Variants in MACROD2 observed in about 807,000 individuals in gnomAD.
MACROD2 encodes the protein ADP-ribose glycohydrolase MACROD2.
In MACROD2, 36 loss-of-function variants were observed where a neutral mutation model predicts 70.4. That is an observed-to-expected ratio of 0.51 (90% CI 0.39 to 0.68). The LOEUF is 0.68. Among genes scored for constraint, MACROD2 ranks in the 30% least tolerant of loss-of-function variants. The pLI is 0.00. For synonymous variants in MACROD2, 172 were observed against 178.8 expected, an observed-to-expected ratio of 0.96 and a Z score of 0.30; for missense variants, 496 against 538.4, an observed-to-expected ratio of 0.92 and a Z score of 0.78.
chr20:14,282,918 A>T (rs542703384), intron 3 of MACROD2, among the ~76,000 whole-genome samples: 1 of 152,296 alleles, frequency 6.6e-6, no homozygotes, highest in South Asian at 2.1e-4. Flanking sequence ...ATTACAATTC[A>T]CCATGAGATT....
intron 6 of MACROD2, among the ~76,000 whole-genome samples, chr20:15,354,648 AAAAG>A (rs1306432458): frequency 1.3e-5 from 2 of 150,290 alleles, no homozygotes; most frequent in Admixed American, 1.3e-4. Flanking sequence ...TAAATTTTAA[AAAAG>A]AAAAAGTTTT....
intron 8 of MACROD2, among the ~76,000 whole-genome samples, chr20:15,543,233 T>C (rs926187047): frequency 1.3e-5 from 2 of 152,220 alleles, no homozygotes; most frequent in Admixed American, 1.3e-4. Flanking sequence ...GTATCAGTTG[T>C]GTGTCCCTGA....
rs181402189 is a variant in MACROD2, at chr20:14,945,298, G to A, written c.418+260339G>A. Reference sequence around the variant, plus strand: ...TCATCATATTTGCCAGGCTGGTCCTGAACTCCTGACCTCAAATAATCTGCC... The same window carrying A: ...TCATCATATTTGCCAGGCTGGTCCTAAACTCCTGACCTCAAATAATCTGCC... On this transcript the variant is annotated intron_variant, in intron 5 of 17. Transcript: ENST00000684519. 6.0e-4 allele frequency among the ~76,000 whole-genome samples: 91 copies of A among 152,012 alleles called. No individual in the cohort carries two copies. In the East Asian group the frequency reaches 0.011, roughly 18 times the overall value.
At chr20:15,862,925 C>A in intron 9 of MACROD2, 99 bp downstream of exon 9, 1 of 832,770 alleles carries the variant, frequency 1.2e-6, no homozygotes, top group Non-Finnish European at 1.9e-6. Context: ...GACTGTTACA[C>A]ATGGTGATCC....
chr20:13,997,541 A>T (rs2052680099), intron 1 of MACROD2, among the ~76,000 whole-genome samples: 1 of 152,226 alleles, frequency 6.6e-6, no homozygotes, highest in Non-Finnish European at 1.5e-5. Flanking sequence ...AGTGTTCCTC[A>T]AGTAATAACG....
At chr20:14,923,445 CACA>C (rs2074188111) in intron 5 of MACROD2, among the ~76,000 whole-genome samples, 1 of 152,102 alleles carries the variant, frequency 6.6e-6, no homozygotes, top group Non-Finnish European at 1.5e-5. Flanking sequence ...TCTAATTTAT[CACA>C]ACACTTACTT....
intron 3 of MACROD2, among the ~76,000 whole-genome samples, chr20:14,159,367 A>G (rs1211240400): frequency 6.6e-6 from 1 of 152,230 alleles, no homozygotes; most frequent in African/African-American, 2.4e-5. Flanking sequence ...CCAAGAGCAT[A>G]GGATATCTTT....
At chr20:15,233,358 G>A (rs909836549) in intron 6 of MACROD2, among the ~76,000 whole-genome samples, 6 of 152,102 alleles carry the variant, frequency 3.9e-5, no homozygotes, top group Non-Finnish European at 8.8e-5. Context: ...AGGAGAATTG[G>A]AGAAAGGTCT....
intron 10 of MACROD2, among the ~76,000 whole-genome samples, chr20:15,919,697 T>G (rs925771087): frequency 2.0e-5 from 3 of 151,992 alleles, no homozygotes; most frequent in African/African-American, 7.3e-5. Context: ...ATCGCGCCAC[T>G]GGACTCCAGC....
chr20:14,301,242 A>T (rs2082472628), intron 3 of MACROD2, among the ~76,000 whole-genome samples: 2 of 152,192 alleles, frequency 1.3e-5, no homozygotes, highest in Admixed American at 1.3e-4. Context: ...AGTTGAAGAA[A>T]GATTTGCATG....
intron 5 of MACROD2, among the ~76,000 whole-genome samples, chr20:14,795,768 T>C (rs1474247844): frequency 2.0e-5 from 3 of 152,022 alleles, no homozygotes; most frequent in Non-Finnish European, 4.4e-5. Context: ...AGAATCTGCA[T>C]AGTAAAGAGA....
intron 6 of MACROD2, among the ~76,000 whole-genome samples, chr20:15,410,653 T>TCG (rs1555815477): frequency 8.0e-5 from 12 of 150,634 alleles, no homozygotes; most frequent in African/African-American, 2.7e-4. Flanking sequence ...CTGAATTCTG[T>TCG]CACACACACA....
intron 5 of MACROD2, among the ~76,000 whole-genome samples, chr20:14,958,351 G>C (rs2074555196): frequency 6.6e-6 from 1 of 152,186 alleles, no homozygotes; most frequent in Admixed American, 6.5e-5. Flanking sequence ...GAAAGGTCCA[G>C]ATTTTCAAAC....
rs960696869 is a variant in MACROD2 at position 15,810,405 on chromosome 20, G to A, written c.646-52340G>A. On this transcript the variant is annotated intron_variant, in intron 8 of 17. Transcript: ENST00000684519. ...AGTAATGGGATGGCTGGGTCAAATG[G>A]TATTTCTAGTTCTAGATCCCTGAGG... Among the ~76,000 whole-genome samples the A allele has an allele frequency of 4.2e-3, 634 of 151,608 alleles. 2 individuals carry two copies. Among genetic ancestry groups the A allele is most frequent in the Middle Eastern group, 0.014 (4 of 294 alleles).
At chr20:14,527,444 C>A (rs555891642) in intron 4 of MACROD2, among the ~76,000 whole-genome samples, 1 of 152,166 alleles carries the variant, frequency 6.6e-6, no homozygotes, top group East Asian at 1.9e-4. Flanking sequence ...TTAAAGGGAC[C>A]ACTCTCTTCC....
chr20:15,308,906 T>A (rs577141516), intron 6 of MACROD2, among the ~76,000 whole-genome samples: 134 of 152,310 alleles, frequency 8.8e-4, no homozygotes, highest in African/African-American at 3.1e-3. Context: ...CCTTGTGCTT[T>A]GCTGTTCTCC....
At chr20:14,219,119 C>T (rs990493669) in intron 3 of MACROD2, among the ~76,000 whole-genome samples, 1 of 152,174 alleles carries the variant, frequency 6.6e-6, no homozygotes, top group African/African-American at 2.4e-5. Context: ...ATTATTCCCC[C>T]AAATATGTTT....
At chr20:14,938,718 T>C (rs1210475733) in intron 5 of MACROD2, among the ~76,000 whole-genome samples, 1 of 151,928 alleles carries the variant, frequency 6.6e-6, no homozygotes, top group East Asian at 1.9e-4. Flanking sequence ...GAGGCGGAGT[T>C]TGCAGTGAGC....
At chr20:15,028,276 C>T (rs2075248798) in intron 5 of MACROD2, among the ~76,000 whole-genome samples, 1 of 152,148 alleles carries the variant, frequency 6.6e-6, no homozygotes, top group Admixed American at 6.5e-5. Flanking sequence ...AGGCAAGTCC[C>T]CTTGATCCAA....
Sources: gnomAD v4.1 joint callset for allele counts (sites outside exome capture counted in the v4.1 genomes callset) on GRCh38, gnomAD v4.1.1 for gene constraint, MANE v1.5 for transcripts, NCBI Gene and HGNC (gene_info 2026-07-23, HGNC 2026-07-21) for gene names.